Variants in FLT3 observed in about 807,000 individuals in gnomAD.
The protein encoded by FLT3 is fms related receptor tyrosine kinase 3, also known as receptor-type tyrosine-protein kinase FLT3.
In FLT3, 46 loss-of-function variants were observed where a neutral mutation model predicts 126.6. That is an observed-to-expected ratio of 0.36 (90% CI 0.29 to 0.46). The LOEUF (loss-of-function observed/expected upper bound fraction) is 0.46. FLT3 is among the 20% of genes least tolerant of loss of function. The pLI, the probability that FLT3 is intolerant of heterozygous loss-of-function variation, is 1.00. For missense variants in FLT3, 1,069 were observed against 1,190.3 expected, an observed-to-expected ratio of 0.90 and a Z score of 1.50; for synonymous variants, 404 against 434.4, an observed-to-expected ratio of 0.93 and a Z score of 0.87.
rs143256961 is a variant in FLT3, at chr13:28,006,892, C to T, written c.2860-2718G>A. On this transcript the variant is annotated intron_variant, in intron 23 of 23. Coordinates refer to ENST00000241453, the MANE Select transcript of FLT3 (RefSeq NM_004119.3). ...TAGCTGGGACTACAGGTGTGTACCA[C>T]CACACCTGGCTAATTTTTATATTTT... Among the ~76,000 whole-genome samples, 442 of 152,076 alleles carry T rather than the reference C, an allele frequency of 2.9e-3. 1 individual carries two copies. The highest frequency in any genetic ancestry group is 0.01 in the African/African-American group (419 of 41,468).
At chr13:28,091,448 C>T (rs1879092307) in intron 1 of FLT3, among the ~76,000 whole-genome samples, 2 of 150,758 alleles carry the variant, frequency 1.3e-5, no homozygotes, top group Non-Finnish European at 3.0e-5. Context: ...GTCTCGATCT[C>T]CTGACCTCGT....
rs1877716134 is a variant in FLT3 at position 28,073,578 on chromosome 13, A to G, written c.44-2966T>C. On this transcript the variant is annotated intron_variant, in intron 1 of 23. Coordinates refer to ENST00000241453, the MANE Select transcript of FLT3 (RefSeq NM_004119.3). ...ATAATTAACTTATAATAAATCGTGC[A>G]CATTAAAAGTATACAATTTAGTAAA... Among the ~76,000 whole-genome samples the G allele has an allele frequency of 2.0e-5, 3 of 152,080 alleles. No individual in the cohort carries two copies. In the South Asian group the frequency reaches 6.2e-4, roughly 31 times the overall value.
At chr13:28,087,517 T>C (rs1208068230) in intron 1 of FLT3, among the ~76,000 whole-genome samples, 1 of 152,200 alleles carries the variant, frequency 6.6e-6, no homozygotes, top group Non-Finnish European at 1.5e-5. Flanking sequence ...TCATAAGTCA[T>C]GTGTTTGAGT....
intron 1 of FLT3, among the ~76,000 whole-genome samples, chr13:28,093,734 T>A (rs1327959091): frequency 2.4e-4 from 37 of 152,314 alleles, no homozygotes; most frequent in Non-Finnish European, 5.9e-5. Flanking sequence ...CAGTCTGGGT[T>A]AGAGGTTCAG....
chr13:28,054,731 C>T (rs1325783967), intron 4 of FLT3, among the ~76,000 whole-genome samples: 1 of 152,188 alleles, frequency 6.6e-6, no homozygotes, highest in Non-Finnish European at 1.5e-5. Flanking sequence ...AGAAAGAAGT[C>T]TTACCCTTGA....
intron 17 of FLT3, among the ~76,000 whole-genome samples, chr13:28,026,830 C>A (rs998311937): frequency 2.6e-5 from 4 of 152,184 alleles, no homozygotes; most frequent in African/African-American, 9.7e-5. Flanking sequence ...TTTCCCCAAA[C>A]CAAATAGGCG....
chr13:28,086,914 T>A (rs1310598730), intron 1 of FLT3, among the ~76,000 whole-genome samples: 2 of 151,812 alleles, frequency 1.3e-5, no homozygotes, highest in Non-Finnish European at 2.9e-5. Context: ...CCCAAAGTGC[T>A]AGGATTGCAG....
At chr13:28,035,880 T>G (rs1275056589) in intron 11 of FLT3, 55 bp downstream of exon 11, 10 of 1,388,266 alleles carry the variant, frequency 7.2e-6, no homozygotes, top group Non-Finnish European at 1.0e-5. Context: ...AAAGAGTCAA[T>G]AGGTCAGAGA....
intron 1 of FLT3, among the ~76,000 whole-genome samples, chr13:28,073,156 C>T (rs1019288355): frequency 5.9e-5 from 9 of 151,728 alleles, no homozygotes; most frequent in African/African-American, 2.2e-4. Flanking sequence ...GCCTGGGCAA[C>T]CCAGTAAAAG....
At chr13:28,098,094 C>T (rs1182387421) in intron 1 of FLT3, among the ~76,000 whole-genome samples, 3 of 151,866 alleles carry the variant, frequency 2.0e-5, no homozygotes, top group Non-Finnish European at 4.4e-5. Flanking sequence ...GTGGGTGGAT[C>T]GCCTAAGGTC....
chr13:28,043,630 G>A (rs1874583420), intron 9 of FLT3, among the ~76,000 whole-genome samples: 1 of 152,174 alleles, frequency 6.6e-6, no homozygotes, highest in African/African-American at 2.4e-5. Flanking sequence ...GGTAGGTAAA[G>A]AATGCTCATG....
chr13:28,054,901 CT>C (rs2137748685), intron 4 of FLT3, among the ~76,000 whole-genome samples: 1 of 152,318 alleles, frequency 6.6e-6, no homozygotes, highest in East Asian at 1.9e-4. Flanking sequence ...GAAATGCCTA[CT>C]CATGTCCTTT....
At chr13:28,087,462 T>C (rs970383130) in intron 1 of FLT3, among the ~76,000 whole-genome samples, 1 of 152,366 alleles carries the variant, frequency 6.6e-6, no homozygotes, top group Admixed American at 6.5e-5. Flanking sequence ...TTTCTCTTAG[T>C]CTCTGGCTTT....
At chr13:28,065,174 G>A (rs1447632014) in intron 2 of FLT3, among the ~76,000 whole-genome samples, 12 of 152,144 alleles carry the variant, frequency 7.9e-5, no homozygotes, top group African/African-American at 2.4e-4. Flanking sequence ...AATAAATACT[G>A]GAATAATAGC....
intron 1 of FLT3, among the ~76,000 whole-genome samples, chr13:28,085,114 C>A (rs113045642): frequency 6.6e-6 from 1 of 151,894 alleles, no homozygotes; most frequent in Non-Finnish European, 1.5e-5. Context: ...GAGGCCGACA[C>A]GAGCGGATCA....
chr13:28,050,293 A>G, intron 5 of FLT3, 71 bp from the exon 6 acceptor site: 1 of 1,491,794 alleles, frequency 6.7e-7, no homozygotes. Flanking sequence ...CAAGAGGAGA[A>G]CAAAGTTCTA....
intron 3 of FLT3, among the ~76,000 whole-genome samples, chr13:28,061,181 C>A (rs932585629): frequency 2.6e-5 from 4 of 151,664 alleles, no homozygotes; most frequent in African/African-American, 4.8e-5. Flanking sequence ...CATGGTGAAA[C>A]CCCATCTCTA....
intron 23 of FLT3, among the ~76,000 whole-genome samples, chr13:28,011,883 C>T (rs867929121): frequency 6.6e-6 from 1 of 151,826 alleles, no homozygotes. Context: ...CTGCAACATC[C>T]ACCTCCCAGG....
At chr13:28,066,530 A>T (rs1566093955) in intron 2 of FLT3, among the ~76,000 whole-genome samples, 3 of 152,256 alleles carry the variant, frequency 2.0e-5, no homozygotes. Flanking sequence ...GAAAGGACAC[A>T]GGAGCAAAAC....
Sources: gnomAD v4.1 joint callset for allele counts (sites outside exome capture counted in the v4.1 genomes callset) on GRCh38, gnomAD v4.1.1 for gene constraint, MANE v1.5 for transcripts, NCBI Gene and HGNC (gene_info 2026-07-23, HGNC 2026-07-21) for gene names.